NPAS3: variants seen among roughly 807,000 people sequenced by gnomAD.
NPAS3 encodes the protein neuronal PAS domain-containing protein 3.
Under a neutral mutation model 73.1 loss-of-function variants are expected in NPAS3, and 14 were observed. That is an observed-to-expected ratio of 0.19 (90% confidence interval 0.13 to 0.30). The LOEUF is 0.30. Ranked by LOEUF, NPAS3 falls within the 10% of genes least tolerant of loss-of-function variation. NPAS3 has a pLI of 1.00. For missense variants in NPAS3, 1,096 were observed against 1,250.0 expected (o/e 0.88, Z 1.86); for synonymous variants, 620 against 541.5 (o/e 1.14, Z -2.01).
chr14:33,062,002 C>A (rs2041119433), intron 2 of NPAS3, among the ~76,000 whole-genome samples: 1 of 152,008 alleles, frequency 6.6e-6, no homozygotes, highest in Non-Finnish European at 1.5e-5. Context: ...TTGCAAAGGA[C>A]ACAGGCAGAA....
chr14:33,695,688 T>G (rs552876368), intron 6 of NPAS3, among the ~76,000 whole-genome samples: 1 of 152,370 alleles, frequency 6.6e-6, no homozygotes, highest in Non-Finnish European at 1.5e-5. Flanking sequence ...CTATTGAAAC[T>G]AAATTATTCT....
intron 1 of NPAS3, among the ~76,000 whole-genome samples, chr14:33,031,324 A>G (rs1341527496): frequency 6.6e-6 from 1 of 152,210 alleles, no homozygotes; most frequent in Non-Finnish European, 1.5e-5. Context: ...AGCAAAAGGA[A>G]GTTTATTATC....
At chr14:33,052,979 G>A (rs1321121845) in intron 1 of NPAS3, among the ~76,000 whole-genome samples, 1 of 152,066 alleles carries the variant, frequency 6.6e-6, no homozygotes, top group Non-Finnish European at 1.5e-5. Context: ...GCTGGCAATT[G>A]TTTAAAAAAA....
chr14:33,061,638 C>T (rs1211564003), intron 2 of NPAS3, among the ~76,000 whole-genome samples: 1 of 152,072 alleles, frequency 6.6e-6, no homozygotes, highest in African/African-American at 2.4e-5. Flanking sequence ...TCTAGACTAG[C>T]CTAGAAGTGA....
chr14:32,972,907 C>T (rs776145680), intron 1 of NPAS3, among the ~76,000 whole-genome samples: 5 of 152,192 alleles, frequency 3.3e-5, no homozygotes, highest in Non-Finnish European at 5.9e-5. Context: ...AATGGACAAC[C>T]GCTACTGTAC....
At chr14:33,040,109 C>G (rs950226716) in intron 1 of NPAS3, among the ~76,000 whole-genome samples, 13 of 151,960 alleles carry the variant, frequency 8.6e-5, no homozygotes, top group Admixed American at 4.6e-4. Flanking sequence ...CAGGGTTAGG[C>G]TGTTAGGATT....
chr14:33,249,150 A>C (rs1297310547), intron 3 of NPAS3, among the ~76,000 whole-genome samples: 1 of 152,144 alleles, frequency 6.6e-6, no homozygotes, highest in Non-Finnish European at 1.5e-5. Context: ...ATTTTCGAAG[A>C]TTAGAACAGT....
At chr14:33,621,952 G>A (rs2058088076) in intron 5 of NPAS3, among the ~76,000 whole-genome samples, 1 of 152,024 alleles carries the variant, frequency 6.6e-6, no homozygotes, top group Admixed American at 6.6e-5. Flanking sequence ...CCATAATGAG[G>A]AAGAAAAGAA....
intron 2 of NPAS3, among the ~76,000 whole-genome samples, chr14:33,178,473 T>C (rs7151996): frequency 0.28 from 43,193 of 152,094 alleles, 6,503 homozygotes; most frequent in East Asian, 0.58. Flanking sequence ...TTTTTAATAA[T>C]ATAAATTTCT....
chr14:33,113,387 C>T (rs2042959833), intron 2 of NPAS3, among the ~76,000 whole-genome samples: 1 of 152,092 alleles, frequency 6.6e-6, no homozygotes, highest in Non-Finnish European at 1.5e-5. Flanking sequence ...CCTTCACGTC[C>T]CTTGTAAGTT....
intron 9 of NPAS3, among the ~76,000 whole-genome samples, chr14:33,781,625 C>A (rs1320350449): frequency 2.0e-5 from 3 of 152,154 alleles, no homozygotes. Flanking sequence ...AAAAAATAAA[C>A]CACATTAACT....
chr14:32,957,662 G>A (rs1045919957), intron 1 of NPAS3, among the ~76,000 whole-genome samples: 2 of 152,088 alleles, frequency 1.3e-5, no homozygotes, highest in Admixed American at 6.6e-5. Context: ...TTGAGCCACC[G>A]CACCCGGCCT....
intron 5 of NPAS3, among the ~76,000 whole-genome samples, chr14:33,626,383 T>C (rs1039763946): frequency 6.6e-6 from 1 of 152,184 alleles, no homozygotes; most frequent in Non-Finnish European, 1.5e-5. Flanking sequence ...GTTGAATATA[T>C]ATGAAATTCA....
intron 1 of NPAS3, among the ~76,000 whole-genome samples, chr14:32,956,252 T>G (rs1184430383): frequency 2.6e-5 from 4 of 152,144 alleles, no homozygotes; most frequent in African/African-American, 9.7e-5. Context: ...AGGCCAAAAT[T>G]GAAAAATTCG....
At chr14:33,436,796 G>T (rs2049008325) in intron 4 of NPAS3, among the ~76,000 whole-genome samples, 1 of 152,174 alleles carries the variant, frequency 6.6e-6, no homozygotes, top group Admixed American at 6.5e-5. Flanking sequence ...CAATTCAGAT[G>T]CATACATGGA....
intron 3 of NPAS3, among the ~76,000 whole-genome samples, chr14:33,248,945 T>C (rs1031034379): frequency 1.3e-5 from 2 of 152,196 alleles, no homozygotes; most frequent in African/African-American, 4.8e-5. Context: ...CTTCATGTTA[T>C]TCTTTGACTC....
chr14:32,996,808 G>GT (rs2038594735), intron 1 of NPAS3, among the ~76,000 whole-genome samples: 1 of 152,240 alleles, frequency 6.6e-6, no homozygotes, highest in African/African-American at 2.4e-5. Flanking sequence ...TGCTAGGGCA[G>GT]TGGGTATGGG....
intron 5 of NPAS3, among the ~76,000 whole-genome samples, chr14:33,665,314 A>AG (rs2140292305): frequency 6.6e-6 from 1 of 152,212 alleles, no homozygotes; most frequent in South Asian, 2.1e-4. Context: ...GGGCTAGGGG[A>AG]GGGATAGCAT....
intron 4 of NPAS3, among the ~76,000 whole-genome samples, chr14:33,449,994 A>G (rs1414506614): frequency 6.6e-6 from 1 of 152,234 alleles, no homozygotes; most frequent in Non-Finnish European, 1.5e-5. Flanking sequence ...TCTGATGCCT[A>G]AATTAACTGC....
Sources: gnomAD v4.1 joint callset for allele counts (sites outside exome capture counted in the v4.1 genomes callset) on GRCh38, gnomAD v4.1.1 for gene constraint, MANE v1.5 for transcripts, NCBI Gene and HGNC (gene_info 2026-07-23, HGNC 2026-07-21) for gene names.